HS3ST3A1: variants seen among roughly 807,000 people sequenced by gnomAD.
The protein encoded by HS3ST3A1 is heparan sulfate glucosamine 3-O-sulfotransferase 3A1.
HS3ST3A1 carries 19 observed loss-of-function variants against 25.7 expected under a neutral mutation model. The ratio of observed to expected loss-of-function variants is 0.74; its 90% CI spans 0.52 to 1.08. The LOEUF (loss-of-function observed/expected upper bound fraction) is 1.08, where lower values mean the gene tolerates loss of function less well. Ranked by LOEUF, HS3ST3A1 falls within the 50% of genes least tolerant of loss-of-function variation. The pLI, the probability that HS3ST3A1 is intolerant of heterozygous loss-of-function variation, is 0.00. For missense variants in HS3ST3A1, 459 were observed against 594.3 expected, an observed-to-expected ratio of 0.77 and a Z score of 2.37; for synonymous variants, 226 against 278.6, an observed-to-expected ratio of 0.81 and a Z score of 1.88.
chr17:13,600,400 C>T (rs1908687079), intron 1 of HS3ST3A1, 131 bp downstream of exon 1: 1 of 1,395,026 alleles, frequency 7.2e-7, no homozygotes, highest in Non-Finnish European at 9.3e-7. Flanking sequence ...AAGAAAGACC[C>T]TTGACGACCC....
At chr17:13,528,840 C>A (rs77078430) in intron 1 of HS3ST3A1, among the ~76,000 whole-genome samples, 1 of 149,076 alleles carries the variant, frequency 6.7e-6, no homozygotes, top group African/African-American at 2.5e-5. Context: ...TTTCAAGCAG[C>A]GGGATGGACA....
At position 13,601,083 on chromosome 17, in the gene HS3ST3A1, G is replaced by T. The variant is rs1159834072; in HGVS notation, c.47C>A (p.Pro16Gln). 1.9e-6 allele frequency: 3 copies of T among 1,594,508 alleles called. No individual in the cohort carries two copies. Among genetic ancestry groups the T allele is most frequent in the Non-Finnish European group, 2.6e-6 (3 of 1,171,858 alleles). The change falls in exon 1 of 2, where the codon CCG becomes CAG. Residue 16 changes from proline to glutamine, a missense_variant. This residue lies in a region of HS3ST3A1 where 346 missense variants were observed against 303.9 expected (regional missense o/e 1.14). Transcript: ENST00000284110. Reference protein sequence around the residue: ...PASALSTSAEPLSRSIFRKFL... With the variant: ...PASALSTSAEQLSRSIFRKFL... ...CTTCCGGAAGATGCTGCGGGACAGC[G>T]GCTCGGCCGAGGTGGAGAGGGCACT...
chr17:13,503,263 G>C (rs932291385), intron 1 of HS3ST3A1, among the ~76,000 whole-genome samples: 22 of 150,966 alleles, frequency 1.5e-4, no homozygotes, highest in African/African-American at 4.6e-4. Flanking sequence ...CAGGCAAAAA[G>C]CTGGAATTAG....
chr17:13,580,892 A>G (rs1420567091), intron 1 of HS3ST3A1, among the ~76,000 whole-genome samples: 1 of 152,058 alleles, frequency 6.6e-6, no homozygotes, highest in Non-Finnish European at 1.5e-5. Context: ...ACTCCATCTC[A>G]AAAACAAACA....
chr17:13,573,958 G>A (rs185016316), intron 1 of HS3ST3A1, among the ~76,000 whole-genome samples: 30 of 152,160 alleles, frequency 2.0e-4, no homozygotes, highest in East Asian at 1.7e-3. Flanking sequence ...CTCTTCCCAC[G>A]CCTTGGTCTT....
chr17:13,506,318 A>G (rs1905674118), intron 1 of HS3ST3A1, among the ~76,000 whole-genome samples: 1 of 152,180 alleles, frequency 6.6e-6, no homozygotes, highest in Non-Finnish European at 1.5e-5. Flanking sequence ...CGATTTCTTC[A>G]TAAACAAAAA....
intron 1 of HS3ST3A1, among the ~76,000 whole-genome samples, chr17:13,594,705 CA>C (rs1170992364): frequency 5.3e-5 from 8 of 151,382 alleles, no homozygotes; most frequent in African/African-American, 1.7e-4. Flanking sequence ...ATTGTGAAGC[CA>C]AATCTCTTAT....
chr17:13,496,317 GGTC>G lies in HS3ST3A1; in HGVS notation c.1098_1100del (p.Lys366_Thr367delinsAsn), dbSNP rs1229389220. The G allele has an allele frequency of 6.4e-7, 1 of 1,559,322 alleles. No individual in the cohort carries two copies. The highest frequency in any genetic ancestry group is 1.4e-5 in the African/African-American group (1 of 71,848). On this transcript the variant is annotated inframe_deletion, in exon 2 of 2. Transcript: ENST00000284110. ...CGATCTCAGGATGGGTCCTGCCCTT[GGTC>G]TTGCCCAGGCAATGGGGCCGGCTGC...
chr17:13,539,981 CTTAG>C (rs531950242), intron 1 of HS3ST3A1, among the ~76,000 whole-genome samples: 55 of 152,268 alleles, frequency 3.6e-4, no homozygotes, highest in African/African-American at 1.2e-3. Flanking sequence ...CCAGTTTGGG[CTTAG>C]TTAGTAAATA....
intron 1 of HS3ST3A1, among the ~76,000 whole-genome samples, chr17:13,572,796 T>TA (rs1907852731): frequency 6.6e-6 from 1 of 152,124 alleles, no homozygotes; most frequent in Non-Finnish European, 1.5e-5. Context: ...CACAGGAAAA[T>TA]AAAAAATTGA....
At chr17:13,594,118 G>C (rs763834757) in intron 1 of HS3ST3A1, among the ~76,000 whole-genome samples, 1 of 152,144 alleles carries the variant, frequency 6.6e-6, no homozygotes, top group East Asian at 1.9e-4. Context: ...GGGCTATACT[G>C]GGGTTACGGA....
intron 1 of HS3ST3A1, among the ~76,000 whole-genome samples, chr17:13,516,824 T>A (rs1478274569): frequency 4.6e-5 from 7 of 152,208 alleles, no homozygotes; most frequent in Non-Finnish European, 8.8e-5. Context: ...GTAGCTGGGA[T>A]TACAGGCGCC....
intron 1 of HS3ST3A1, among the ~76,000 whole-genome samples, chr17:13,568,265 G>A (rs190315783): frequency 3.3e-4 from 50 of 152,268 alleles, no homozygotes; most frequent in African/African-American, 8.2e-4. Flanking sequence ...TACATAGCAC[G>A]CTTAATAGAC....
intron 1 of HS3ST3A1, among the ~76,000 whole-genome samples, chr17:13,502,419 C>T (rs73982015): frequency 0.012 from 1,815 of 152,294 alleles, 43 homozygotes; most frequent in African/African-American, 0.041. Context: ...GATCAGGGAA[C>T]CACCTGGGAG....
chr17:13,570,389 A>G (rs3785695), intron 1 of HS3ST3A1, among the ~76,000 whole-genome samples: 8,113 of 152,264 alleles, frequency 0.053, 528 homozygotes, highest in African/African-American at 0.14. Context: ...TTTTCATGAT[A>G]AAGGTAATAA....
intron 1 of HS3ST3A1, among the ~76,000 whole-genome samples, chr17:13,520,533 C>A (rs867678396): frequency 9.2e-5 from 14 of 152,146 alleles, no homozygotes; most frequent in African/African-American, 3.4e-4. Context: ...AAATATATCC[C>A]AACCAGTCTA....
intron 1 of HS3ST3A1, among the ~76,000 whole-genome samples, chr17:13,538,885 A>G (rs964907165): frequency 2.0e-5 from 3 of 152,212 alleles, no homozygotes; most frequent in African/African-American, 7.2e-5. Flanking sequence ...TTAACAAAGC[A>G]TCCTTAAACT....
chr17:13,590,927 G>T (rs1048189802), intron 1 of HS3ST3A1, among the ~76,000 whole-genome samples: 1 of 152,088 alleles, frequency 6.6e-6, no homozygotes, highest in Non-Finnish European at 1.5e-5. Flanking sequence ...TCCCTACAGT[G>T]CAAAAGGGAC....
intron 1 of HS3ST3A1, among the ~76,000 whole-genome samples, chr17:13,553,664 A>G (rs1434303590): frequency 6.6e-6 from 1 of 152,124 alleles, no homozygotes; most frequent in Non-Finnish European, 1.5e-5. Flanking sequence ...CTTGTTTTAA[A>G]AGCTTTTCTT....
Sources: allele counts gnomAD v4.1 joint callset (sites outside exome capture counted in the v4.1 genomes callset), GRCh38; gene constraint gnomAD v4.1.1; regional missense constraint gnomAD v4.1.1; transcripts MANE v1.5; gene names NCBI Gene and HGNC (gene_info 2026-07-23, HGNC 2026-07-21).